SUGCT: variants seen among roughly 807,000 people sequenced by gnomAD.
SUGCT encodes the protein succinyl-CoA:glutarate-CoA transferase, also known as succinyl-CoA:glutarate CoA-transferase.
Under a neutral mutation model 55.0 loss-of-function variants are expected in SUGCT, and 41 were observed. The observed-to-expected ratio is 0.74, with a 90% CI of 0.58 to 0.97. SUGCT has a LOEUF of 0.97. Among genes scored for constraint, SUGCT ranks in the 50% least tolerant of loss-of-function variants. SUGCT has a pLI of 0.00. For synonymous variants in SUGCT, 187 were observed against 200.4 expected (o/e 0.93, Z 0.56); for missense variants, 568 against 547.8 (o/e 1.04, Z -0.37).
intron 13 of SUGCT, among the ~76,000 whole-genome samples, chr7:40,831,691 C>A (rs921472974): frequency 4.6e-5 from 7 of 152,168 alleles, no homozygotes; most frequent in African/African-American, 1.4e-4. Flanking sequence ...GAAAATATAA[C>A]CTTGAGTTCC....
At position 40,506,346 on chromosome 7, in the gene SUGCT, G is replaced by T. The variant is rs148624410; in HGVS notation, c.1089+9960G>T. Among the ~76,000 whole-genome samples the T allele has an allele frequency of 3.3e-5, 5 of 152,110 alleles. No individual in the cohort carries two copies. In the East Asian group the frequency reaches 9.7e-4, roughly 29 times the overall value. On this transcript the variant is annotated intron_variant, in intron 12 of 13. Transcript: ENST00000335693. ...CTGCCTTCTGACTTCCATTGTGTTT[G>T]ATAATAAGTAATGTGGTAATCTTAC...
chr7:40,192,107 CAAAAA>C (rs34662909), intron 5 of SUGCT, among the ~76,000 whole-genome samples: 1 of 61,368 alleles, frequency 1.6e-5, no homozygotes, highest in Non-Finnish European at 2.9e-5. Flanking sequence ...GATTCCATCT[CAAAAA>C]AAAAAAAAAA....
At chr7:40,908,177 G>A in the SUGCT span, among the ~76,000 whole-genome samples, 1 of 151,682 alleles carries the variant, frequency 6.6e-6, no homozygotes, top group African/African-American at 2.4e-5. Context: ...AGGAGATCGA[G>A]ACCATTCTGG....
intron 12 of SUGCT, among the ~76,000 whole-genome samples, chr7:40,646,141 A>G (rs373529090): frequency 6.6e-6 from 1 of 152,140 alleles, no homozygotes; most frequent in East Asian, 1.9e-4. Context: ...TGGCCCACAT[A>G]TAATATAACT....
intron 12 of SUGCT, among the ~76,000 whole-genome samples, chr7:40,611,246 ACAGT>A (rs1376202394): frequency 1.3e-5 from 2 of 152,204 alleles, no homozygotes; most frequent in Non-Finnish European, 2.9e-5. Flanking sequence ...GAATCTGTAA[ACAGT>A]CAGTCGTTCC....
the SUGCT span, among the ~76,000 whole-genome samples, chr7:40,872,244 A>G: frequency 6.6e-6 from 1 of 152,036 alleles, no homozygotes; most frequent in African/African-American, 2.4e-5. Flanking sequence ...TTTTTTTTAC[A>G]TTATTTAAGT....
chr7:40,468,727 G>C (rs1790255732), intron 11 of SUGCT, among the ~76,000 whole-genome samples: 1 of 152,038 alleles, frequency 6.6e-6, no homozygotes. Context: ...TTTTGTGGGG[G>C]AGTGGGGGTG....
chr7:40,972,253 C>T, the SUGCT span, among the ~76,000 whole-genome samples: 1 of 152,138 alleles, frequency 6.6e-6, no homozygotes, highest in Non-Finnish European at 1.5e-5. Flanking sequence ...TTAACTTAAC[C>T]AATTTCTCCT....
intron 5 of SUGCT, among the ~76,000 whole-genome samples, chr7:40,192,914 T>C (rs1013844988): frequency 2.6e-5 from 4 of 151,558 alleles, no homozygotes; most frequent in Non-Finnish European, 5.9e-5. Context: ...ATTGCAGGTA[T>C]GAGCTACTGT....
chr7:40,392,366 G>A (rs981392040), intron 9 of SUGCT, among the ~76,000 whole-genome samples: 3 of 152,162 alleles, frequency 2.0e-5, no homozygotes, highest in African/African-American at 7.2e-5. Context: ...CTGTCATGGA[G>A]ATAGAGAGGT....
intron 12 of SUGCT, among the ~76,000 whole-genome samples, chr7:40,597,923 G>A (rs1039172986): frequency 6.6e-6 from 1 of 151,918 alleles, no homozygotes; most frequent in Non-Finnish European, 1.5e-5. Flanking sequence ...GAGCCCTTCA[G>A]ATATCATCTG....
chr7:40,521,142 C>T lies in SUGCT; in HGVS notation c.1089+24756C>T, dbSNP rs768334815. 2.2e-4 allele frequency among the ~76,000 whole-genome samples: 34 copies of T among 152,030 alleles called. 1 individual carries two copies. Among genetic ancestry groups the T allele is most frequent in the Non-Finnish European group, 1.6e-4 (11 of 68,016 alleles). ...AAACCTCATGTTCAGTTTGAATCCC[C>T]GGTGTTGTAAATGGGGCCTGGTGGG... On this transcript the variant is annotated intron_variant, in intron 12 of 13. Transcript: ENST00000335693.
In SUGCT at chr7:40,265,123, T is replaced by G. The variant is rs940699166; in HGVS notation, c.577-9390T>G. Among the ~76,000 whole-genome samples the G allele has an allele frequency of 5.9e-5, 9 of 152,282 alleles. No individual in the cohort carries two copies. The East Asian group carries it at 1.7e-3, about 29-fold the overall frequency. On this transcript the variant is annotated intron_variant, in intron 7 of 13. Transcript: ENST00000335693. ...AAAGTGGTTTATTAAAAAATTTGTG[T>G]GCCCCAGGATACAAAAAAAATTTCT... is the stretch of plus-strand genomic sequence containing the variant.
chr7:40,862,225 C>T (rs987162606), downstream of SUGCT, among the ~76,000 whole-genome samples: 6 of 151,938 alleles, frequency 3.9e-5, no homozygotes, highest in African/African-American at 1.4e-4. Flanking sequence ...TTTTCAAATC[C>T]ATGTACAGCT....
At chr7:40,357,958 A>G (rs1562710388) in intron 9 of SUGCT, among the ~76,000 whole-genome samples, 1 of 152,192 alleles carries the variant, frequency 6.6e-6, no homozygotes, top group Non-Finnish European at 1.5e-5. Flanking sequence ...TAGAATGTCA[A>G]AGACACCAAA....
chr7:40,622,387 C>T (rs1036228293), intron 12 of SUGCT, among the ~76,000 whole-genome samples: 2 of 152,154 alleles, frequency 1.3e-5, no homozygotes, highest in African/African-American at 4.8e-5. Context: ...CCTCAGCTTT[C>T]ATCAAGCTCT....
At chr7:40,254,082 G>T (rs1481574925) in intron 7 of SUGCT, among the ~76,000 whole-genome samples, 1 of 152,184 alleles carries the variant, frequency 6.6e-6, no homozygotes, top group Non-Finnish European at 1.5e-5. Flanking sequence ...ATATCACTAG[G>T]TGGTTCTACT....
At chr7:40,219,785 A>T (rs1787922717) in intron 6 of SUGCT, among the ~76,000 whole-genome samples, 2 of 152,214 alleles carry the variant, frequency 1.3e-5, no homozygotes, top group African/African-American at 4.8e-5. Flanking sequence ...CTGTGTAAAT[A>T]ATACCTTAAA....
intron 13 of SUGCT, among the ~76,000 whole-genome samples, chr7:40,831,911 G>T (rs577176426): frequency 6.8e-4 from 104 of 152,272 alleles, no homozygotes; most frequent in African/African-American, 2.3e-3. Flanking sequence ...GGGGCTCCAG[G>T]GACTCCCAGA....
Sources: allele counts gnomAD v4.1 joint callset (sites outside exome capture counted in the v4.1 genomes callset), GRCh38; gene constraint gnomAD v4.1.1; transcripts MANE v1.5; gene names NCBI Gene and HGNC (gene_info 2026-07-23, HGNC 2026-07-21).